The following SLC35D2 variants were observed in gnomAD, a reference collection of about 807,000 sequenced individuals.
SLC35D2 encodes nucleotide sugar transporter SLC35D2.
SLC35D2 carries 43 observed loss-of-function variants against 41.8 expected under a neutral mutation model. That is an observed-to-expected ratio of 1.03 (90% CI 0.81 to 1.33). SLC35D2 has a LOEUF of 1.33. SLC35D2 is among the 40% of genes most tolerant of loss of function. The pLI is 0.00. For missense variants in SLC35D2, 380 were observed against 408.4 expected (o/e 0.93, Z 0.60); for synonymous variants, 150 against 163.9 (o/e 0.92, Z 0.65).
intron 6 of SLC35D2, among the ~76,000 whole-genome samples, chr9:96,347,328 C>T (rs960792386): frequency 1.3e-5 from 2 of 152,148 alleles, no homozygotes; most frequent in African/African-American, 2.4e-5. Flanking sequence ...TTCCCAGCAG[C>T]GCTGTTCCCA....
Position 96,360,200 on chromosome 9 carries a change from A to T in SLC35D2, c.301T>A (p.Tyr101Asn), listed in dbSNP as rs756304198. The T allele has an allele frequency of 6.2e-7, 1 of 1,612,344 alleles. No homozygotes were observed. Among genetic ancestry groups the T allele is most frequent in the Non-Finnish European group, 8.5e-7 (1 of 1,178,818 alleles). The change falls in exon 4 of 12, where the codon TAC (tyrosine) becomes AAC (asparagine). Residue 101 changes from tyrosine to asparagine, a missense_variant. Physicochemically the swap from Tyr to Asn is moderately radical, Grantham distance 143. Coordinates refer to ENST00000253270, the MANE Select transcript of SLC35D2 (RefSeq NM_007001.3). ...AATCCACTTATGTGGTTTCCAACGT[A>T]GAGGAGAGGCAGAGGAAACAGCTTC... ...PVKLFPLPLL[Y>N]VGNHISGLSS...
chr9:96,329,878 C>T (rs1379370381), intron 9 of SLC35D2, among the ~76,000 whole-genome samples: 2 of 152,298 alleles, frequency 1.3e-5, no homozygotes, highest in African/African-American at 4.8e-5. Flanking sequence ...CAATAGAACA[C>T]ACAAGTATAG....
At chr9:96,370,261 G>A (rs1038414146) in intron 1 of SLC35D2, among the ~76,000 whole-genome samples, 2 of 152,158 alleles carry the variant, frequency 1.3e-5, no homozygotes, top group African/African-American at 4.8e-5. Context: ...CTGCCTCCTG[G>A]CATCACTTCC....
intron 9 of SLC35D2, among the ~76,000 whole-genome samples, chr9:96,336,508 A>T (rs528344862): frequency 6.6e-6 from 1 of 152,242 alleles, no homozygotes; most frequent in Non-Finnish European, 1.5e-5. Flanking sequence ...TGACTTTCAA[A>T]AACAAGAGTT....
downstream of SLC35D2, among the ~76,000 whole-genome samples, chr9:96,316,012 A>G (rs902388868): frequency 6.6e-6 from 1 of 152,224 alleles, no homozygotes; most frequent in Non-Finnish European, 1.5e-5. Context: ...CAATATGCAA[A>G]TATCTTTAAT....
chr9:96,341,947 A>AAAT (rs1554712405), intron 8 of SLC35D2, among the ~76,000 whole-genome samples: 10 of 151,046 alleles, frequency 6.6e-5, no homozygotes, highest in African/African-American at 2.2e-4. Flanking sequence ...GGAAAAAAAA[A>AAAT]ATATATATAT....
chr9:96,346,720 A>C (rs1829590392), intron 6 of SLC35D2, among the ~76,000 whole-genome samples: 1 of 152,190 alleles, frequency 6.6e-6, no homozygotes. Flanking sequence ...AATGCAAATT[A>C]AATTGGATTT....
downstream of SLC35D2, among the ~76,000 whole-genome samples, chr9:96,316,505 G>T (rs1211428229): frequency 6.6e-6 from 1 of 151,900 alleles, no homozygotes; most frequent in Non-Finnish European, 1.5e-5. Flanking sequence ...AAAAAAAAGG[G>T]GGGGAAGATG....
intron 9 of SLC35D2, among the ~76,000 whole-genome samples, chr9:96,334,185 A>G (rs1248801695): frequency 1.3e-5 from 2 of 152,150 alleles, no homozygotes; most frequent in East Asian, 1.9e-4. Context: ...CTTGGGGCCA[A>G]ACTCTAGGGG....
At chr9:96,363,580 A>G (rs1830366462) in intron 3 of SLC35D2, among the ~76,000 whole-genome samples, 2 of 152,228 alleles carry the variant, frequency 1.3e-5, no homozygotes. Flanking sequence ...TCCACAGTCC[A>G]CGAAGGAATG....
At chr9:96,333,834 T>A (rs1196295300) in intron 9 of SLC35D2, among the ~76,000 whole-genome samples, 1 of 152,140 alleles carries the variant, frequency 6.6e-6, no homozygotes, top group Non-Finnish European at 1.5e-5. Context: ...TACAATGACA[T>A]GAGAAGACTT....
chr9:96,323,584 C>T (rs1401479254), intron 10 of SLC35D2, among the ~76,000 whole-genome samples: 1 of 152,136 alleles, frequency 6.6e-6, no homozygotes, highest in Non-Finnish European at 1.5e-5. Context: ...ATTCATCTCT[C>T]CTTTATAAAT....
chr9:96,348,073 T>C lies in SLC35D2; in HGVS notation c.489-2672A>G, dbSNP rs375992693. Among the ~76,000 whole-genome samples, 193 of 152,326 alleles carry C rather than the reference T, an allele frequency of 1.3e-3. 1 individual carries two copies. The highest frequency in any genetic ancestry group is 4.5e-3 in the African/African-American group (188 of 41,574). ...GCCATTCTTTTATTCCTTTACTTTC[T>C]TAATAAACTTGCTTTCACGCTGCAC... On this transcript the variant is annotated intron_variant, in intron 6 of 11. Transcript: ENST00000253270.
intron 9 of SLC35D2, among the ~76,000 whole-genome samples, chr9:96,331,118 G>A (rs561688647): frequency 2.0e-4 from 30 of 152,206 alleles, no homozygotes; most frequent in South Asian, 6.2e-4. Context: ...GGCTGATCTC[G>A]AACGCCTGAC....
At chr9:96,356,158 T>C (rs894952573) in intron 4 of SLC35D2, among the ~76,000 whole-genome samples, 28 of 152,216 alleles carry the variant, frequency 1.8e-4, no homozygotes, top group African/African-American at 4.8e-4. Context: ...ATGGGATCTC[T>C]GCGCGCACTG....
chr9:96,350,273 A>C (rs891719751), intron 6 of SLC35D2, among the ~76,000 whole-genome samples: 3 of 150,238 alleles, frequency 2.0e-5, no homozygotes, highest in African/African-American at 7.4e-5. Context: ...TGGGCCCAAG[A>C]GATCCTCTTT....
Position 96,321,143 on chromosome 9 carries a change from T to A in SLC35D2, c.*99A>T, listed in dbSNP as rs1828199831. 1.2e-6 allele frequency: 1 copy of A among 835,688 alleles called. No individual in the cohort carries two copies. The allele number at this position is 835,688 out of a possible 1,614,324, so 51.8% of individuals were successfully genotyped here. ...CAGATGCTCTCACTTGCCCAGGGGG[T>A]GGATGTCACGAATCCGAAACCTCTG... On this transcript the variant is annotated 3_prime_UTR_variant, in exon 12 of 12. Transcript: ENST00000253270.
At chr9:96,331,123 C>T (rs1828789300) in intron 9 of SLC35D2, among the ~76,000 whole-genome samples, 1 of 152,188 alleles carries the variant, frequency 6.6e-6, no homozygotes, top group Admixed American at 6.5e-5. Context: ...ATCTCGAACG[C>T]CTGACCTCAA....
At chr9:96,352,399 G>A (rs1241218509) in intron 4 of SLC35D2, among the ~76,000 whole-genome samples, 1 of 151,986 alleles carries the variant, frequency 6.6e-6, no homozygotes, top group Non-Finnish European at 1.5e-5. Flanking sequence ...TCGGCTCACT[G>A]TAACCTCTGC....
Sources: allele counts gnomAD v4.1 joint callset (sites outside exome capture counted in the v4.1 genomes callset), GRCh38; gene constraint gnomAD v4.1.1; transcripts MANE v1.5; gene names NCBI Gene and HGNC (gene_info 2026-07-23, HGNC 2026-07-21).